PRLR: variants seen among roughly 807,000 people sequenced by gnomAD.
PRLR encodes hPRL receptor.
PRLR carries 13 observed loss-of-function variants against 40.2 expected under a neutral mutation model. The observed-to-expected ratio is 0.32, with a 90% CI of 0.21 to 0.51. PRLR has a LOEUF of 0.51. Among genes scored for constraint, PRLR ranks in the 20% least tolerant of loss-of-function variants. The pLI is 0.97. For missense variants in PRLR, 656 were observed against 747.3 expected (o/e 0.88, Z 1.42); for synonymous variants, 269 against 278.7 (o/e 0.97, Z 0.35).
At chr5:35,109,188 C>T (rs1772479025) in intron 2 of PRLR, among the ~76,000 whole-genome samples, 1 of 152,170 alleles carries the variant, frequency 6.6e-6, no homozygotes, top group Non-Finnish European at 1.5e-5. Flanking sequence ...AACTGGATCC[C>T]TTCCTTACAC....
chr5:35,111,047 T>C (rs2111646027), intron 2 of PRLR, among the ~76,000 whole-genome samples: 1 of 152,258 alleles, frequency 6.6e-6, no homozygotes, highest in African/African-American at 2.4e-5. Flanking sequence ...GTTTCTTTCA[T>C]ATCTCCCATG....
chr5:35,081,453 G>A (rs1429594332), intron 5 of PRLR: 4 of 186,920 alleles, frequency 2.1e-5, no homozygotes, highest in South Asian at 1.2e-4. Flanking sequence ...GGATAAACCT[G>A]CCAAATATGA....
chr5:35,102,363 G>A (rs1042162121), intron 2 of PRLR, among the ~76,000 whole-genome samples: 4 of 151,582 alleles, frequency 2.6e-5, no homozygotes, highest in African/African-American at 9.7e-5. Context: ...TCCTTCCCTC[G>A]CTCCATCCTT....
chr5:35,078,495 C>G (rs1770266175), intron 5 of PRLR, among the ~76,000 whole-genome samples: 1 of 151,998 alleles, frequency 6.6e-6, no homozygotes, highest in Non-Finnish European at 1.5e-5. Flanking sequence ...CCTCCCAAGA[C>G]TAAACCAGGA....
chr5:35,219,949 T>C (rs1238437959), intron 1 of PRLR, among the ~76,000 whole-genome samples: 1 of 152,182 alleles, frequency 6.6e-6, no homozygotes, highest in East Asian at 1.9e-4. Context: ...GTCCCCTCCA[T>C]CTGAAAGCCA....
At chr5:35,167,976 ATACTC>A (rs1403083607) in intron 1 of PRLR, among the ~76,000 whole-genome samples, 1 of 152,082 alleles carries the variant, frequency 6.6e-6, no homozygotes, top group Non-Finnish European at 1.5e-5. Flanking sequence ...AATGGATTAA[ATACTC>A]TAATAAGGAC....
At chr5:35,175,648 C>T (rs1335692840) in intron 1 of PRLR, among the ~76,000 whole-genome samples, 1 of 152,184 alleles carries the variant, frequency 6.6e-6, no homozygotes, top group Non-Finnish European at 1.5e-5. Flanking sequence ...CAGAGGTAGT[C>T]CTGTGCCAAA....
At chr5:35,088,153 G>A (rs547214077) in intron 3 of PRLR, among the ~76,000 whole-genome samples, 28 of 152,314 alleles carry the variant, frequency 1.8e-4, no homozygotes, top group Admixed American at 1.4e-3. Flanking sequence ...GACACAGGCT[G>A]GAGCCCAGGA....
At position 35,169,698 on chromosome 5, in the gene PRLR, C is replaced by G. The variant is rs534600337; in HGVS notation, c.-105-51576G>C. Reference sequence around the variant, plus strand: ...CCAATTAATTATTGATTTACCAACACCCACGAGGGTTAGCTTTTATCTTGT... The same window carrying G: ...CCAATTAATTATTGATTTACCAACAGCCACGAGGGTTAGCTTTTATCTTGT... On this transcript the variant is annotated intron_variant, in intron 1 of 9. Coordinates refer to ENST00000618457, the MANE Select transcript of PRLR (RefSeq NM_000949.7). 3.3e-5 allele frequency among the ~76,000 whole-genome samples: 5 copies of G among 152,204 alleles called. No individual in the cohort carries two copies. In the East Asian group the frequency reaches 7.7e-4, roughly 23 times the overall value.
intron 8 of PRLR, 95 bp from the exon 9 acceptor site, chr5:35,068,380 G>C: frequency 1.9e-6 from 2 of 1,077,324 alleles, no homozygotes; most frequent in Non-Finnish European, 2.9e-6. Context: ...GACTGTGATA[G>C]AGATAGGACT....
chr5:35,126,992 A>G (rs978479308), intron 1 of PRLR, among the ~76,000 whole-genome samples: 1 of 152,208 alleles, frequency 6.6e-6, no homozygotes, highest in South Asian at 2.1e-4. Flanking sequence ...TCCTCATGTA[A>G]GAAGAATGGC....
intron 2 of PRLR, among the ~76,000 whole-genome samples, 178 bp downstream of exon 2, chr5:35,117,882 TG>T (rs1206601106): frequency 6.6e-6 from 1 of 152,216 alleles, no homozygotes; most frequent in African/African-American, 2.4e-5. Flanking sequence ...TTTTCTGAGC[TG>T]GACAGGCTGG....
At chr5:35,133,398 C>T (rs760649502) in intron 1 of PRLR, among the ~76,000 whole-genome samples, 3 of 152,168 alleles carry the variant, frequency 2.0e-5, no homozygotes, top group South Asian at 4.1e-4. Context: ...CCATGTAACA[C>T]CTGGTGAGTC....
In PRLR at chr5:35,090,207, G is replaced by A. The variant is rs115497743; in HGVS notation, c.-43-544C>T. Among the ~76,000 whole-genome samples the A allele has an allele frequency of 1.5e-3, 221 of 152,212 alleles. 1 individual carries two copies. The highest frequency in any genetic ancestry group is 5.1e-3 in the African/African-American group (211 of 41,530). ...TGGGTTATATGCATTACCGCAAAGC[G>A]AACCACACAATGCACTCTAGTGAAC... is the stretch of plus-strand genomic sequence containing the variant. On this transcript the variant is annotated intron_variant, in intron 2 of 9. Coordinates refer to ENST00000618457, the MANE Select transcript of PRLR (RefSeq NM_000949.7).
rs369401718 is a variant in PRLR, at chr5:35,068,860, G to A, written c.704C>T (p.Thr235Ile). ...QIPSDFTMND[T>I]TVWISVAVLS... ...GACAGCCACAGAGATCCACACGGTTGTATCATTCATGGTGAAGTCTAAAAA... is the reference window on the plus strand; with the variant it reads ...GACAGCCACAGAGATCCACACGGTTATATCATTCATGGTGAAGTCTAAAAA... The change falls in exon 8 of 10, where the codon ACA becomes ATA. Residue 235 changes from threonine to isoleucine, a missense_variant. Around this residue, in one of 3 missense-constraint regions of PRLR, gnomAD observed 469 missense variants for 491.5 expected, o/e 0.95. Coordinates refer to ENST00000618457, the MANE Select transcript of PRLR (RefSeq NM_000949.7). The A allele has an allele frequency of 3.7e-6, 6 of 1,612,088 alleles. No individual in the cohort carries two copies. In the African/African-American group the frequency reaches 6.7e-5, roughly 18 times the overall value.
At chr5:35,194,374 C>T (rs1416432985) in intron 1 of PRLR, among the ~76,000 whole-genome samples, 2 of 152,196 alleles carry the variant, frequency 1.3e-5, no homozygotes, top group Non-Finnish European at 2.9e-5. Context: ...CAAGGCCCTG[C>T]CTTACCCCAG....
chr5:35,161,631 T>C (rs1221871143), intron 1 of PRLR, among the ~76,000 whole-genome samples: 2 of 152,234 alleles, frequency 1.3e-5, no homozygotes, highest in African/African-American at 2.4e-5. Flanking sequence ...TATCTGATCA[T>C]GGTGCCAGTA....
At chr5:35,050,440 C>A (rs998828776) in intron 8 of PRLR, among the ~76,000 whole-genome samples, 1 of 152,190 alleles carries the variant, frequency 6.6e-6, no homozygotes, top group South Asian at 2.1e-4. Flanking sequence ...CTTCTCTCTC[C>A]TTTGAGCAGA....
rs1023788587 is a variant in PRLR, at chr5:35,086,583, G to C, written c.71-243C>G. 2.6e-5 allele frequency among the ~76,000 whole-genome samples: 4 copies of C among 152,180 alleles called. No homozygotes were observed. In the East Asian group the frequency reaches 5.8e-4, roughly 22 times the overall value. ...CTGGTGTGTGTGTGTGTGTGTGTGT[G>C]TGTGTCTGTGTACTTTGAGATGGAG... On this transcript the variant is annotated intron_variant, in intron 3 of 9. Transcript: ENST00000618457.
Sources: allele counts gnomAD v4.1 joint callset (sites outside exome capture counted in the v4.1 genomes callset), GRCh38; gene constraint gnomAD v4.1.1; regional missense constraint gnomAD v4.1.1; transcripts MANE v1.5; gene names NCBI Gene and HGNC (gene_info 2026-07-23, HGNC 2026-07-21).